Variants in CNTNAP4 observed in about 807,000 individuals in gnomAD.
CNTNAP4 encodes the protein contactin-associated protein-like 4.
Under a neutral mutation model 148.4 loss-of-function variants are expected in CNTNAP4, and 98 were observed. The observed-to-expected ratio is 0.66, with a 90% CI of 0.56 to 0.78. The LOEUF (loss-of-function observed/expected upper bound fraction) is 0.78. Ranked by LOEUF, CNTNAP4 falls within the 30% of genes least tolerant of loss-of-function variation. CNTNAP4 has a pLI of 0.00. For missense variants in CNTNAP4, 1,935 were observed against 1,565.6 expected (o/e 1.24, Z -3.98); for synonymous variants, 730 against 565.1 (o/e 1.29, Z -4.14).
intron 3 of CNTNAP4, among the ~76,000 whole-genome samples, chr16:76,388,987 C>A (rs138303706): frequency 6.6e-6 from 1 of 152,096 alleles, no homozygotes; most frequent in Non-Finnish European, 1.5e-5. Context: ...AGGAGAAAAA[C>A]TTACATGTAC....
intron 3 of CNTNAP4, among the ~76,000 whole-genome samples, chr16:76,412,404 A>G (rs2078831378): frequency 6.6e-6 from 1 of 151,374 alleles, no homozygotes. Context: ...AAATGTATAT[A>G]TTTAATTTTA....
chr16:76,458,123 T>A (rs2080805561), intron 8 of CNTNAP4, among the ~76,000 whole-genome samples: 1 of 152,216 alleles, frequency 6.6e-6, no homozygotes, highest in Admixed American at 6.5e-5. Context: ...CAAACAATGT[T>A]ATTCCATTCT....
chr16:76,371,874 C>T (rs1220202751), intron 3 of CNTNAP4, among the ~76,000 whole-genome samples: 1 of 152,170 alleles, frequency 6.6e-6, no homozygotes, highest in African/African-American at 2.4e-5. Context: ...TTAGTTCATC[C>T]CTTTCAATCA....
chr16:76,542,080 G>C (rs75095444), intron 21 of CNTNAP4, among the ~76,000 whole-genome samples: 2 of 152,210 alleles, frequency 1.3e-5, no homozygotes, highest in Non-Finnish European at 2.9e-5. Context: ...ATAATTAACA[G>C]ATAAGACCGT....
chr16:76,284,991 T>C (rs751009958), intron 1 of CNTNAP4, among the ~76,000 whole-genome samples: 1 of 152,038 alleles, frequency 6.6e-6, no homozygotes, highest in South Asian at 2.1e-4. Context: ...TCTTCATAGT[T>C]AGTTCATAGT....
intron 15 of CNTNAP4, among the ~76,000 whole-genome samples, chr16:76,502,310 C>T (rs894533744): frequency 3.3e-5 from 5 of 151,196 alleles, no homozygotes; most frequent in Non-Finnish European, 5.9e-5. Flanking sequence ...TTCAGAACAG[C>T]GAATACTCCT....
In CNTNAP4 at chr16:76,355,421, TG is replaced by T; in HGVS notation, c.302del (p.Gly101ValfsTer6). 1 of 1,613,306 alleles carries T rather than the reference TG, an allele frequency of 6.2e-7. No homozygotes were observed. The highest frequency in any genetic ancestry group is 8.5e-7 in the Non-Finnish European group (1 of 1,179,644). On this transcript the variant is annotated frameshift_variant, in exon 3 of 24. Transcript: ENST00000611870. LOFTEE classifies it high-confidence loss of function. ...CCGCTGTGGCCACTCAAGGGGGATA[TG>T]GTAGCTCCAACTGGGTGACCAGCTA... ...VTAVATQGGYGSSNWVTSYLL... is the reference protein window; with the variant it reads ...VTAVATQGGYXSSNWVTSYLL...
At chr16:76,310,835 C>A (rs772908566) in intron 1 of CNTNAP4, among the ~76,000 whole-genome samples, 5 of 151,776 alleles carry the variant, frequency 3.3e-5, no homozygotes, top group Non-Finnish European at 5.9e-5. Context: ...GTCACCAGTG[C>A]TTGTTTCAAC....
At chr16:76,549,030 C>T (rs747459204) in intron 21 of CNTNAP4, among the ~76,000 whole-genome samples, 115 of 152,172 alleles carry the variant, frequency 7.6e-4, no homozygotes, top group South Asian at 5.8e-3. Context: ...TCTACCCCAC[C>T]GACGCTTCTG....
chr16:76,373,068 A>G (rs1466914415), intron 3 of CNTNAP4, among the ~76,000 whole-genome samples: 2 of 151,470 alleles, frequency 1.3e-5, no homozygotes, highest in Admixed American at 1.3e-4. Context: ...GTACAAACTG[A>G]GACTATGAGG....
At position 76,308,319 on chromosome 16, in the gene CNTNAP4, AATG is replaced by A. The variant is rs1272216072; in HGVS notation, c.86-8089_86-8087del. On this transcript the variant is annotated intron_variant, in intron 1 of 23. Transcript: ENST00000611870. ...ATCGAGTTGAAATATCATTTTAGGT[AATG>A]ATGAGAGGATGAGAGACGATGCCAG... Among the ~76,000 whole-genome samples the A allele has an allele frequency of 3.3e-5, 5 of 152,340 alleles. No homozygotes were observed. The East Asian group carries it at 9.6e-4, about 29-fold the overall frequency.
chr16:76,383,079 GT>G (rs1214993009), intron 3 of CNTNAP4, among the ~76,000 whole-genome samples: 1 of 150,206 alleles, frequency 6.7e-6, no homozygotes, highest in Non-Finnish European at 1.5e-5. Context: ...CTGAACATTG[GT>G]TTGTAAAAGG....
chr16:76,358,972 C>G (rs2013063784), intron 3 of CNTNAP4, among the ~76,000 whole-genome samples: 1 of 152,166 alleles, frequency 6.6e-6, no homozygotes, highest in African/African-American at 2.4e-5. Context: ...TCTGGTCCCA[C>G]TCTAAAGGAA....
intron 4 of CNTNAP4, among the ~76,000 whole-genome samples, chr16:76,438,514 T>C (rs2145127976): frequency 6.6e-6 from 1 of 152,178 alleles, no homozygotes; most frequent in South Asian, 2.1e-4. Context: ...GAGTAAAGAC[T>C]GTACCTGAGG....
At chr16:76,539,614 C>A in intron 19 of CNTNAP4, 105 bp from the exon 20 acceptor site, 3 of 935,830 alleles carry the variant, frequency 3.2e-6, no homozygotes, top group Non-Finnish European at 4.8e-6. Flanking sequence ...TCCAATTTTT[C>A]CCTCGAAATG....
Position 76,540,742 on chromosome 16 carries a change from G to C in CNTNAP4, c.3394G>C (p.Gly1132Arg), listed in dbSNP as rs1243365508. 1 of 1,577,776 alleles carries C rather than the reference G, an allele frequency of 6.3e-7. No homozygotes were observed. Residue 1132 changes from glycine (G) to arginine (R), a missense_variant, in exon 21 of 24, where the codon GGC (glycine) becomes CGC (arginine). Transcript: ENST00000611870. ...NRRRQVHLSSGTEFSAVKSLV... is the reference protein window; with the variant it reads ...NRRRQVHLSSRTEFSAVKSLV... ...AAGGAGACAAGTTCACCTGTCATCA[G>C]GCACAGAATTCAGTGCAGTCAAATC... is the stretch of plus-strand genomic sequence containing the variant.
chr16:76,445,033 C>A (rs1216238561), intron 4 of CNTNAP4, among the ~76,000 whole-genome samples: 2 of 152,142 alleles, frequency 1.3e-5, no homozygotes, highest in Admixed American at 6.6e-5. Context: ...AGTTTCTCAG[C>A]AATCCTCAGA....
At chr16:76,389,789 G>A (rs1312363286) in intron 3 of CNTNAP4, among the ~76,000 whole-genome samples, 1 of 151,124 alleles carries the variant, frequency 6.6e-6, no homozygotes, top group Admixed American at 6.6e-5. Context: ...ATGGGAACCC[G>A]ATCTCAGAAT....
At chr16:76,358,080 TCCCA>T (rs554288616) in intron 3 of CNTNAP4, among the ~76,000 whole-genome samples, 313 of 152,314 alleles carry the variant, frequency 2.1e-3, no homozygotes, top group African/African-American at 6.8e-3. Flanking sequence ...ACATCTGTAA[TCCCA>T]GGGCTTTGGG....
Sources: gnomAD v4.1 joint callset for allele counts (sites outside exome capture counted in the v4.1 genomes callset) on GRCh38, gnomAD v4.1.1 for gene constraint, MANE v1.5 for transcripts, NCBI Gene and HGNC (gene_info 2026-07-23, HGNC 2026-07-21) for gene names.